SEMA5B: variants seen among roughly 807,000 people sequenced by gnomAD.
SEMA5B encodes semaphorin 5B, also known as semaphorin-5B.
SEMA5B carries 66 observed loss-of-function variants against 135.0 expected under a neutral mutation model. The observed-to-expected ratio is 0.49, with a 90% CI of 0.40 to 0.60. The LOEUF is 0.60. Ranked by LOEUF, SEMA5B falls within the 20% of genes least tolerant of loss-of-function variation. The pLI, the probability that SEMA5B is intolerant of heterozygous loss-of-function variation, is 0.00. For missense variants in SEMA5B, 1,501 were observed against 1,566.3 expected (o/e 0.96, Z 0.70); for synonymous variants, 690 against 639.5 (o/e 1.08, Z -1.19).
At chr3:123,020,201 G>T (rs1355360212) in intron 1 of SEMA5B, among the ~76,000 whole-genome samples, 2 of 152,058 alleles carry the variant, frequency 1.3e-5, no homozygotes, top group African/African-American at 4.8e-5. Flanking sequence ...AACCACGGGG[G>T]GTTTGTTAAA....
intron 1 of SEMA5B, among the ~76,000 whole-genome samples, chr3:122,984,616 T>C (rs575757357): frequency 7.7e-4 from 118 of 152,296 alleles, no homozygotes; most frequent in African/African-American, 2.6e-3. Context: ...AGGTTACCCA[T>C]TGGGTACAAT....
intron 10 of SEMA5B, 120 bp downstream of exon 10, chr3:122,923,497 T>G: frequency 8.9e-7 from 1 of 1,122,976 alleles, no homozygotes; most frequent in Non-Finnish European, 1.3e-6. Flanking sequence ...GAGATGGGCA[T>G]GGACTGGCAG....
At chr3:123,009,487 G>A (rs546670666) in intron 1 of SEMA5B, among the ~76,000 whole-genome samples, 12 of 152,212 alleles carry the variant, frequency 7.9e-5, no homozygotes, top group African/African-American at 2.9e-4. Context: ...TGTATTTAAA[G>A]ATTTACTCCC....
intron 12 of SEMA5B, among the ~76,000 whole-genome samples, chr3:122,917,610 G>T (rs1011611284): frequency 6.6e-6 from 1 of 152,126 alleles, no homozygotes; most frequent in African/African-American, 2.4e-5. Context: ...GCTTCTCCTT[G>T]TCAGCAAAGG....
chr3:122,964,435 C>T (rs1940731098), intron 1 of SEMA5B, among the ~76,000 whole-genome samples: 1 of 152,234 alleles, frequency 6.6e-6, no homozygotes, highest in Non-Finnish European at 1.5e-5. Flanking sequence ...TGTGAGGACA[C>T]AGGCCCAGAC....
At chr3:122,953,309 G>T (rs1489873785) in intron 2 of SEMA5B, among the ~76,000 whole-genome samples, 1 of 152,084 alleles carries the variant, frequency 6.6e-6, no homozygotes, top group Non-Finnish European at 1.5e-5. Context: ...CCCAGGCCTA[G>T]CCCTGTATGT....
intron 1 of SEMA5B, among the ~76,000 whole-genome samples, chr3:122,994,332 A>G (rs932351757): frequency 1.1e-4 from 17 of 152,176 alleles, no homozygotes; most frequent in African/African-American, 4.1e-4. Context: ...TCTGTTTCAT[A>G]TCTTGGCTAC....
chr3:122,974,969 T>A (rs1941264239), intron 1 of SEMA5B: 2 of 152,288 alleles, frequency 1.3e-5, no homozygotes, highest in Non-Finnish European at 2.9e-5. Flanking sequence ...AATAGAGTTA[T>A]CTTCATAGAG....
At position 122,959,956 on chromosome 3, in the gene SEMA5B, A is replaced by G. The variant is rs144198427; in HGVS notation, c.124+1184T>C. Among the ~76,000 whole-genome samples, 410 of 152,320 alleles carry G rather than the reference A, an allele frequency of 2.7e-3. 1 individual carries two copies. The highest frequency in any genetic ancestry group is 8.7e-3 in the African/African-American group (360 of 41,576). On this transcript the variant is annotated intron_variant, in intron 2 of 22. Coordinates refer to ENST00000357599, the MANE Select transcript of SEMA5B (RefSeq NM_001031702.4). ...ACTTTAATTGCTGAAATTAAATGCT[A>G]AGGATGTCGCCAGACGCAAATCAAG...
intron 3 of SEMA5B, among the ~76,000 whole-genome samples, chr3:122,945,475 C>T (rs1018304176): frequency 3.3e-5 from 5 of 152,174 alleles, no homozygotes; most frequent in African/African-American, 9.7e-5. Flanking sequence ...CCTCTCCACC[C>T]TGATCTTATT....
In SEMA5B at chr3:122,974,404, G is replaced by C. The variant is rs115929035; in HGVS notation, c.-38-13103C>G. Among the ~76,000 whole-genome samples, 538 of 152,364 alleles carry C rather than the reference G, an allele frequency of 3.5e-3. 3 individuals carry two copies. Among genetic ancestry groups the C allele is most frequent in the African/African-American group, 0.012 (514 of 41,584 alleles). On this transcript the variant is annotated intron_variant, in intron 1 of 22. Coordinates refer to ENST00000357599, the MANE Select transcript of SEMA5B (RefSeq NM_001031702.4). Reference sequence around the variant, plus strand: ...TGTACGTGGGTGCACACTCGCCTGCGCACATGCCTGAGATCCAGATCATTC... The same window carrying C: ...TGTACGTGGGTGCACACTCGCCTGCCCACATGCCTGAGATCCAGATCATTC...
rs1942099617 is a variant in SEMA5B at position 122,999,019 on chromosome 3, A to G, written c.-39+28445T>C. 2.0e-5 allele frequency among the ~76,000 whole-genome samples: 3 copies of G among 152,250 alleles called. No individual in the cohort carries two copies. In the South Asian group the frequency reaches 6.2e-4, roughly 32 times the overall value. Reference sequence around the variant, plus strand: ...GCGAGAGATGGCAGGTGACTCAACCAAGGTCACACAACAGCTAGTGATGGA... The same window carrying G: ...GCGAGAGATGGCAGGTGACTCAACCGAGGTCACACAACAGCTAGTGATGGA... On this transcript the variant is annotated intron_variant, in intron 1 of 22. Transcript: ENST00000357599.
chr3:122,945,158 A>T (rs1271495229), intron 3 of SEMA5B, among the ~76,000 whole-genome samples: 1 of 152,194 alleles, frequency 6.6e-6, no homozygotes, highest in Non-Finnish European at 1.5e-5. Context: ...TGTGAGTTGG[A>T]TGTTTTTCAG....
intron 5 of SEMA5B, among the ~76,000 whole-genome samples, chr3:122,929,844 G>A (rs1000593479): frequency 1.3e-5 from 2 of 152,194 alleles, no homozygotes; most frequent in Admixed American, 1.3e-4. Flanking sequence ...CATGCCCATG[G>A]CATTAGGAGA....
rs146717896 is a variant in SEMA5B, at chr3:123,000,575, G to A, written c.-39+26889C>T. Among the ~76,000 whole-genome samples, 599 of 152,188 alleles carry A rather than the reference G, an allele frequency of 3.9e-3. 8 individuals carry two copies. The highest frequency in any genetic ancestry group is 0.011 in the African/African-American group (446 of 41,536). On this transcript the variant is annotated intron_variant, in intron 1 of 22. Coordinates refer to ENST00000357599, the MANE Select transcript of SEMA5B (RefSeq NM_001031702.4). ...AATCCTATCTAAACTCTGTGAAGTG[G>A]GGTCACTGTCATCACCCCAGGGTGC...
At chr3:122,954,520 G>A (rs975960903) in intron 2 of SEMA5B, among the ~76,000 whole-genome samples, 1 of 152,202 alleles carries the variant, frequency 6.6e-6, no homozygotes, top group Non-Finnish European at 1.5e-5. Flanking sequence ...AGGGCAGGAG[G>A]CAACCTGCCC....
At chr3:122,982,239 CG>C (rs932783311) in intron 1 of SEMA5B, among the ~76,000 whole-genome samples, 4 of 152,190 alleles carry the variant, frequency 2.6e-5, no homozygotes, top group African/African-American at 9.7e-5. Context: ...GCATAGTCTC[CG>C]GAAGAGGGTT....
At chr3:122,926,280 C>A in intron 9 of SEMA5B, 112 bp downstream of exon 9, 1 of 1,045,070 alleles carries the variant, frequency 9.6e-7, no homozygotes, top group Non-Finnish European at 1.4e-6. Context: ...CCTCAGATGA[C>A]CCCCGGCAGG....
At chr3:122,950,263 T>G (rs760404230) in intron 2 of SEMA5B, among the ~76,000 whole-genome samples, 14 of 152,212 alleles carry the variant, frequency 9.2e-5, no homozygotes, top group Non-Finnish European at 2.9e-5. Flanking sequence ...AAATCCAAGT[T>G]ACTTGCTGCA....
Sources: allele counts gnomAD v4.1 joint callset (sites outside exome capture counted in the v4.1 genomes callset), GRCh38; gene constraint gnomAD v4.1.1; transcripts MANE v1.5; gene names NCBI Gene and HGNC (gene_info 2026-07-23, HGNC 2026-07-21).